Variants in ANGPT1 observed in about 807,000 individuals in gnomAD.
ANGPT1 encodes the protein angiopoietin 1, also known as angiopoietin-1.
Under a neutral mutation model 62.2 loss-of-function variants are expected in ANGPT1, and 17 were observed. The observed-to-expected ratio is 0.27, with a 90% CI of 0.19 to 0.41. The LOEUF (loss-of-function observed/expected upper bound fraction) is 0.41. Among genes scored for constraint, ANGPT1 ranks in the 10% least tolerant of loss-of-function variants. ANGPT1 has a pLI of 1.00. For synonymous variants in ANGPT1, 199 were observed against 198.9 expected (o/e 1.00, Z 0.00); for missense variants, 478 against 594.9 (o/e 0.80, Z 2.04).
intron 1 of ANGPT1, among the ~76,000 whole-genome samples, chr8:107,419,284 A>C (rs1223475868): frequency 6.6e-6 from 1 of 152,170 alleles, no homozygotes; most frequent in Non-Finnish European, 1.5e-5. Context: ...AGGCTTTAAA[A>C]GAATTCTCTC....
intron 1 of ANGPT1, among the ~76,000 whole-genome samples, chr8:107,408,615 T>C (rs566555546): frequency 6.6e-6 from 1 of 152,248 alleles, no homozygotes; most frequent in African/African-American, 2.4e-5. Flanking sequence ...ATGAAAGATG[T>C]TTAAATAGTG....
At chr8:107,288,187 G>C (rs1439305270) in intron 6 of ANGPT1, among the ~76,000 whole-genome samples, 2 of 152,116 alleles carry the variant, frequency 1.3e-5, no homozygotes, top group Non-Finnish European at 2.9e-5. Flanking sequence ...ATACAAATGA[G>C]TATTGTCATT....
At chr8:107,373,837 A>G (rs577197874) in intron 1 of ANGPT1, among the ~76,000 whole-genome samples, 5 of 152,352 alleles carry the variant, frequency 3.3e-5, no homozygotes, top group African/African-American at 1.2e-4. Flanking sequence ...AATTAAGTAG[A>G]TGAACATAAT....
At chr8:107,407,327 T>C (rs1206168651) in intron 1 of ANGPT1, among the ~76,000 whole-genome samples, 1 of 151,668 alleles carries the variant, frequency 6.6e-6, no homozygotes, top group Admixed American at 6.6e-5. Flanking sequence ...CCAAAATGCA[T>C]AATTCAAAAA....
intron 1 of ANGPT1, among the ~76,000 whole-genome samples, chr8:107,443,819 CAAAAA>C (rs34247379): frequency 6.6e-5 from 9 of 136,142 alleles, no homozygotes; most frequent in African/African-American, 8.1e-5. Context: ...AACTATGTCT[CAAAAA>C]AAAAAAAAAA....
chr8:107,292,591 C>A (rs1224871626), intron 6 of ANGPT1, among the ~76,000 whole-genome samples: 1 of 152,144 alleles, frequency 6.6e-6, no homozygotes, highest in African/African-American at 2.4e-5. Context: ...TGGCTTCAGC[C>A]TACCTTTCCA....
intron 1 of ANGPT1, among the ~76,000 whole-genome samples, chr8:107,400,128 T>C (rs899023798): frequency 2.6e-5 from 4 of 152,172 alleles, no homozygotes; most frequent in Admixed American, 2.6e-4. Flanking sequence ...CTAGCCTCCA[T>C]TTGTGGGAAG....
chr8:107,323,982 T>C (rs113418679), intron 3 of ANGPT1, among the ~76,000 whole-genome samples: 92 of 151,910 alleles, frequency 6.1e-4, no homozygotes, highest in African/African-American at 2.1e-3. Flanking sequence ...GGTTTTGCCG[T>C]GTTGGCCAGG....
intron 7 of ANGPT1, among the ~76,000 whole-genome samples, chr8:107,280,240 G>A (rs747040579): frequency 1.5e-4 from 23 of 150,748 alleles, no homozygotes; most frequent in African/African-American, 5.4e-4. Context: ...CACTCTTGTC[G>A]CCCTGACTGG....
rs140910642 is a variant in ANGPT1, at chr8:107,284,739, T to C, written c.1148A>G (p.Asn383Ser). 1.2e-6 allele frequency: 2 copies of C among 1,610,942 alleles called. No homozygotes were observed. The highest frequency in any genetic ancestry group is 1.7e-6 in the Non-Finnish European group (2 of 1,178,056). Reference protein sequence around the residue: ...LRIELMDWEGNRAYSQYDRFH... With the variant: ...LRIELMDWEGSRAYSQYDRFH... Reference sequence around the variant, plus strand: ...TCTGTCATACTGTGAATAGGCTCGGTTCCCTTCCCAGTCCATTAACTCAAT... The same window carrying C: ...TCTGTCATACTGTGAATAGGCTCGGCTCCCTTCCCAGTCCATTAACTCAAT... Residue 383 changes from asparagine (N) to serine (S), a missense_variant, in exon 7 of 9, where the codon AAC (asparagine) becomes AGC (serine). Transcript: ENST00000517746.
chr8:107,411,179 G>C (rs1817261011), intron 1 of ANGPT1, among the ~76,000 whole-genome samples: 1 of 152,138 alleles, frequency 6.6e-6, no homozygotes, highest in African/African-American at 2.4e-5. Context: ...ATATGCAAGT[G>C]ATGAAAGAGA....
chr8:107,458,620 T>G (rs1811985378), intron 1 of ANGPT1, among the ~76,000 whole-genome samples: 1 of 152,212 alleles, frequency 6.6e-6, no homozygotes, highest in African/African-American at 2.4e-5. Context: ...TTTTAGATTC[T>G]AAATGCATCA....
chr8:107,325,632 C>T (rs781144156), intron 3 of ANGPT1, among the ~76,000 whole-genome samples: 1 of 151,944 alleles, frequency 6.6e-6, no homozygotes, highest in Non-Finnish European at 1.5e-5. Flanking sequence ...TTGCTAAGTG[C>T]CAATAATTCT....
intron 4 of ANGPT1, among the ~76,000 whole-genome samples, chr8:107,313,429 GTTTTTTTTTTT>G (rs71308720): frequency 6.2e-5 from 4 of 64,182 alleles, no homozygotes; most frequent in East Asian, 5.5e-4. Flanking sequence ...GTTACTAGTT[GTTTTTTTTTTT>G]TTTTTTTTTT....
At chr8:107,360,941 C>T (rs970011793) in intron 1 of ANGPT1, among the ~76,000 whole-genome samples, 2 of 152,182 alleles carry the variant, frequency 1.3e-5, no homozygotes, top group African/African-American at 4.8e-5. Flanking sequence ...TTGACTTATT[C>T]TTTCCTCAGG....
chr8:107,360,953 C>G (rs537029608), intron 1 of ANGPT1, among the ~76,000 whole-genome samples: 1 of 152,124 alleles, frequency 6.6e-6, no homozygotes, highest in South Asian at 2.1e-4. Context: ...TTCCTCAGGT[C>G]CATAGTGACA....
chr8:107,445,873 A>G (rs994639066), intron 1 of ANGPT1, among the ~76,000 whole-genome samples: 2 of 152,186 alleles, frequency 1.3e-5, no homozygotes, highest in Non-Finnish European at 2.9e-5. Context: ...TAGAAAATAA[A>G]TAGGTGGAAT....
At chr8:107,359,076 T>C (rs1039272973) in intron 1 of ANGPT1, among the ~76,000 whole-genome samples, 4 of 152,226 alleles carry the variant, frequency 2.6e-5, no homozygotes, top group Non-Finnish European at 5.9e-5. Flanking sequence ...CATTCTCTTA[T>C]TTTTAAATCA....
intron 1 of ANGPT1, among the ~76,000 whole-genome samples, chr8:107,374,193 T>C (rs1816476718): frequency 6.6e-6 from 1 of 152,158 alleles, no homozygotes; most frequent in Admixed American, 6.5e-5. Context: ...ATTTCCATCT[T>C]AAAAGTATGA....
Sources: gnomAD v4.1 joint callset for allele counts (sites outside exome capture counted in the v4.1 genomes callset) on GRCh38, gnomAD v4.1.1 for gene constraint, MANE v1.5 for transcripts, NCBI Gene and HGNC (gene_info 2026-07-23, HGNC 2026-07-21) for gene names.